Variants in GRAMD1B observed in about 807,000 individuals in gnomAD.
The protein encoded by GRAMD1B is GRAM domain containing 1B.
GRAMD1B carries 37 observed loss-of-function variants against 99.7 expected under a neutral mutation model. That is an observed-to-expected ratio of 0.37 (90% CI 0.29 to 0.49). The LOEUF (loss-of-function observed/expected upper bound fraction) is 0.49, where lower values mean the gene tolerates loss of function less well. GRAMD1B is among the 20% of genes least tolerant of loss of function. GRAMD1B has a pLI of 0.98. For missense variants in GRAMD1B, 888 were observed against 1,009.2 expected (o/e 0.88, Z 1.63); for synonymous variants, 427 against 387.6 (o/e 1.10, Z -1.19).
intron 2 of GRAMD1B, among the ~76,000 whole-genome samples, chr11:123,574,914 G>A (rs563657953): frequency 1.3e-5 from 2 of 152,282 alleles, no homozygotes; most frequent in East Asian, 1.9e-4. Context: ...AGTTGAGACC[G>A]GCAGAGGAGT....
intron 2 of GRAMD1B, among the ~76,000 whole-genome samples, chr11:123,524,161 A>G (rs1428628461): frequency 2.0e-5 from 3 of 152,056 alleles, no homozygotes; most frequent in Admixed American, 6.6e-5. Context: ...GTACCCTACA[A>G]TCCCCAAGCC....
chr11:123,583,094 C>CTGTGTGTATATG (rs940290191), intron 3 of GRAMD1B, among the ~76,000 whole-genome samples: 3 of 150,978 alleles, frequency 2.0e-5, no homozygotes, highest in African/African-American at 7.3e-5. Context: ...ATGTATGTGC[C>CTGTGTGTATATG]TGTGTGTATA....
At chr11:123,479,813 T>G (rs1951491405) in intron 1 of GRAMD1B, among the ~76,000 whole-genome samples, 1 of 152,206 alleles carries the variant, frequency 6.6e-6, no homozygotes, top group Non-Finnish European at 1.5e-5. Context: ...CAGTAAAACT[T>G]CATTTGTGGA....
At chr11:123,557,633 CAT>C (rs1387591807) in intron 2 of GRAMD1B, among the ~76,000 whole-genome samples, 1 of 152,220 alleles carries the variant, frequency 6.6e-6, no homozygotes, top group Non-Finnish European at 1.5e-5. Context: ...TTAATCCTCA[CAT>C]GTTCCATTAA....
intron 1 of GRAMD1B, among the ~76,000 whole-genome samples, chr11:123,412,821 GC>G (rs1304924007): frequency 4.7e-4 from 71 of 152,096 alleles, no homozygotes; most frequent in African/African-American, 1.5e-3. Flanking sequence ...TGCTCTTGTG[GC>G]CCAGGCTGGA....
intron 7 of GRAMD1B, among the ~76,000 whole-genome samples, chr11:123,597,790 A>G (rs1160150388): frequency 2.6e-5 from 4 of 152,232 alleles, no homozygotes; most frequent in Admixed American, 6.5e-5. Context: ...TCAAACCTGC[A>G]TTCTGCCAGC....
Position 123,446,125 on chromosome 11 carries a change from C to T in GRAMD1B, c.374+14959C>T, listed in dbSNP as rs111867064. Among the ~76,000 whole-genome samples, 1,024 of 152,202 alleles carry T rather than the reference C, an allele frequency of 6.7e-3. 11 individuals carry two copies. The highest frequency in any genetic ancestry group is 0.023 in the African/African-American group (947 of 41,540). ...AGGTCCAGGCTTTGTACTTGGACCT[C>T]ACTGGTTCTCTAGTAGGGTCTGTGA... On this transcript the variant is annotated intron_variant, in intron 1 of 19. Transcript: ENST00000635736.
chr11:123,384,329 C>T (rs974199816), intron 1 of GRAMD1B, among the ~76,000 whole-genome samples: 3 of 152,204 alleles, frequency 2.0e-5, no homozygotes, highest in African/African-American at 7.2e-5. Flanking sequence ...ATCCAGTGGC[C>T]TATTTCTAGA....
intron 3 of GRAMD1B, among the ~76,000 whole-genome samples, chr11:123,580,997 C>T (rs1949297785): frequency 6.6e-6 from 1 of 151,706 alleles, no homozygotes; most frequent in Non-Finnish European, 1.5e-5. Flanking sequence ...TTTCTAACTC[C>T]TACTAAATGT....
intron 2 of GRAMD1B, among the ~76,000 whole-genome samples, chr11:123,488,648 G>T (rs930584715): frequency 4.3e-5 from 6 of 139,910 alleles, no homozygotes; most frequent in African/African-American, 1.2e-4. Flanking sequence ...CCACCCCACG[G>T]CCCTGACTGA....
At chr11:123,556,546 C>A (rs1252591072) in intron 2 of GRAMD1B, among the ~76,000 whole-genome samples, 3 of 152,152 alleles carry the variant, frequency 2.0e-5, no homozygotes, top group Non-Finnish European at 4.4e-5. Flanking sequence ...CTAGGGTGGT[C>A]TCTGGAAAGT....
At chr11:123,473,316 G>A (rs1214125674) in intron 1 of GRAMD1B, among the ~76,000 whole-genome samples, 1 of 152,020 alleles carries the variant, frequency 6.6e-6, no homozygotes, top group Non-Finnish European at 1.5e-5. Flanking sequence ...TGCCCACCTC[G>A]GCCTCCCAAA....
chr11:123,458,226 C>G (rs1459136170), intron 1 of GRAMD1B: 1 of 152,196 alleles, frequency 6.6e-6, no homozygotes, highest in South Asian at 2.1e-4. Flanking sequence ...CAGTCCAAGT[C>G]TGCAGGCCTC....
At chr11:123,523,571 A>G (rs1212062126) in intron 2 of GRAMD1B, among the ~76,000 whole-genome samples, 1 of 151,776 alleles carries the variant, frequency 6.6e-6, no homozygotes, top group Non-Finnish European at 1.5e-5. Flanking sequence ...AGCAAAAGCC[A>G]AAAAAATTTA....
At chr11:123,359,092 G>A (rs1423616647) in intron 1 of GRAMD1B, among the ~76,000 whole-genome samples, 4 of 152,074 alleles carry the variant, frequency 2.6e-5, no homozygotes, top group Non-Finnish European at 5.9e-5. Flanking sequence ...GGCGGAGCTG[G>A]CTTCCTTCTC....
chr11:123,592,799 T>C (rs1031859312), intron 4 of GRAMD1B, among the ~76,000 whole-genome samples: 13 of 152,146 alleles, frequency 8.5e-5, no homozygotes, highest in African/African-American at 2.7e-4. Flanking sequence ...ACAGGTGGAG[T>C]GTGGGTGTCT....
chr11:123,585,563 C>G (rs1274212), intron 4 of GRAMD1B, among the ~76,000 whole-genome samples: 136,557 of 152,192 alleles, frequency 0.9, 61,415 homozygotes, highest in East Asian at 1. Flanking sequence ...AGAGAAGCCA[C>G]ACTCTACTTC....
chr11:123,525,956 G>A (rs958501298), intron 2 of GRAMD1B: 4 of 596,608 alleles, frequency 6.7e-6, no homozygotes, highest in African/African-American at 1.9e-5. Context: ...CTGGGAGAGG[G>A]GGAAGAAGGG....
At chr11:123,488,261 C>T (rs1938108597) in intron 2 of GRAMD1B, among the ~76,000 whole-genome samples, 1 of 152,134 alleles carries the variant, frequency 6.6e-6, no homozygotes, top group South Asian at 2.1e-4. Flanking sequence ...GGGGGTGGGG[C>T]ACCAACACTG....
Sources: allele counts gnomAD v4.1 joint callset (sites outside exome capture counted in the v4.1 genomes callset), GRCh38; gene constraint gnomAD v4.1.1; transcripts MANE v1.5; gene names NCBI Gene and HGNC (gene_info 2026-07-23, HGNC 2026-07-21).